Variants in DLGAP1 observed in about 807,000 individuals in gnomAD.
DLGAP1 encodes DLG associated protein 1, also known as disks large-associated protein 1.
In DLGAP1, 11 loss-of-function variants were observed where a neutral mutation model predicts 90.8. The ratio of observed to expected loss-of-function variants is 0.12; its 90% CI spans 0.08 to 0.20. The LOEUF (loss-of-function observed/expected upper bound fraction) is 0.20, where lower values mean the gene tolerates loss of function less well. Among genes scored for constraint, DLGAP1 ranks in the 10% least tolerant of loss-of-function variants. The pLI is 1.00. For synonymous variants in DLGAP1, 558 were observed against 540.7 expected (o/e 1.03, Z -0.44); for missense variants, 1,050 against 1,333.8 (o/e 0.79, Z 3.31).
At chr18:4,141,641 A>G (rs1202401597) in intron 2 of DLGAP1, among the ~76,000 whole-genome samples, 2 of 151,948 alleles carry the variant, frequency 1.3e-5, no homozygotes, top group Admixed American at 6.6e-5. Flanking sequence ...TAGGTGTTTA[A>G]ACATCACCTG....
At chr18:3,824,043 G>C (rs1237446) in intron 4 of DLGAP1, among the ~76,000 whole-genome samples, 4 of 148,510 alleles carry the variant, frequency 2.7e-5, no homozygotes, top group Non-Finnish European at 5.9e-5. Context: ...AGCTAACTTA[G>C]AGCCCCTTTT....
chr18:3,846,284 T>C (rs370319492), intron 4 of DLGAP1, among the ~76,000 whole-genome samples: 1 of 152,186 alleles, frequency 6.6e-6, no homozygotes, highest in African/African-American at 2.4e-5. Context: ...TTTCCTTTCT[T>C]CGTCACCATA....
chr18:3,575,613 G>A (rs2055075244), intron 8 of DLGAP1, among the ~76,000 whole-genome samples: 1 of 152,094 alleles, frequency 6.6e-6, no homozygotes, highest in African/African-American at 2.4e-5. Flanking sequence ...CTCATATTTT[G>A]CTCTATACAC....
At chr18:4,019,017 T>C (rs905170735) in intron 2 of DLGAP1, among the ~76,000 whole-genome samples, 2 of 152,164 alleles carry the variant, frequency 1.3e-5, no homozygotes, top group African/African-American at 2.4e-5. Context: ...AAAAACATCA[T>C]TGACTGAATT....
chr18:4,247,642 T>G (rs561648444), intron 1 of DLGAP1, among the ~76,000 whole-genome samples: 7 of 152,176 alleles, frequency 4.6e-5, no homozygotes, highest in African/African-American at 1.7e-4. Flanking sequence ...CCAGGCGTGG[T>G]GGCAGGCGCC....
At chr18:4,118,357 C>T (rs1363286758) in intron 2 of DLGAP1, among the ~76,000 whole-genome samples, 7 of 152,176 alleles carry the variant, frequency 4.6e-5, no homozygotes, top group South Asian at 2.1e-4. Flanking sequence ...CATCCTGCTC[C>T]GCCAGCAGGT....
At chr18:4,232,334 T>C (rs1269063776) in intron 1 of DLGAP1, among the ~76,000 whole-genome samples, 2 of 152,128 alleles carry the variant, frequency 1.3e-5, no homozygotes, top group Non-Finnish European at 2.9e-5. Flanking sequence ...TGGCTAAAGG[T>C]ATTCTTCTTT....
chr18:3,835,131 T>A (rs2068293498), intron 4 of DLGAP1, among the ~76,000 whole-genome samples: 1 of 152,242 alleles, frequency 6.6e-6, no homozygotes, highest in Non-Finnish European at 1.5e-5. Context: ...TACCACTTAT[T>A]TTCAATGAGA....
At chr18:3,858,649 A>C (rs1180087071) in intron 4 of DLGAP1, among the ~76,000 whole-genome samples, 1 of 152,080 alleles carries the variant, frequency 6.6e-6, no homozygotes, top group African/African-American at 2.4e-5. Context: ...TTGGTGTTTT[A>C]CTATAAAGTT....
intron 2 of DLGAP1, among the ~76,000 whole-genome samples, chr18:4,085,558 C>A (rs2075670417): frequency 6.6e-6 from 1 of 152,044 alleles, no homozygotes; most frequent in African/African-American, 2.4e-5. Context: ...CTGGACTGAC[C>A]CAGGGAAAGG....
chr18:3,580,157 G>T, intron 8 of DLGAP1: 1 of 1,292,750 alleles, frequency 7.7e-7, no homozygotes, highest in Non-Finnish European at 1.1e-6. Context: ...TGTCTACAAA[G>T]AAAATACTTT....
At chr18:4,323,640 A>G (rs1433914506) in intron 1 of DLGAP1, among the ~76,000 whole-genome samples, 1 of 142,012 alleles carries the variant, frequency 7.0e-6, no homozygotes, top group Non-Finnish European at 1.5e-5. Context: ...CAGCAAATTA[A>G]AAAAACAAAA....
intron 2 of DLGAP1, among the ~76,000 whole-genome samples, chr18:4,120,933 T>G (rs1329016846): frequency 6.6e-6 from 1 of 152,190 alleles, no homozygotes; most frequent in African/African-American, 2.4e-5. Flanking sequence ...GAGAACAAGG[T>G]AGACACAGAC....
intron 2 of DLGAP1, among the ~76,000 whole-genome samples, chr18:4,085,440 C>A (rs34016362): frequency 0.042 from 6,405 of 152,236 alleles, 452 homozygotes; most frequent in African/African-American, 0.15. Flanking sequence ...ACCTAGGAAG[C>A]CTTTATTCCC....
chr18:3,582,258 A>T lies in DLGAP1; in HGVS notation c.1592-10T>A. 6.2e-7 allele frequency: 1 copy of T among 1,602,346 alleles called. No homozygotes were observed. Among genetic ancestry groups the T allele is most frequent in the South Asian group, 1.1e-5 (1 of 90,794 alleles). On this transcript the variant is annotated splice_polypyrimidine_tract_variant and intron_variant, in intron 7 of 12. Coordinates refer to ENST00000315677, the MANE Select transcript of DLGAP1 (RefSeq NM_004746.4). ...GTAATGCAAGATGACACTGGAAGAC[A>T]GTGAAAACAAAGACAATGTGATTTC...
chr18:3,650,037 G>A (rs2059240725), intron 7 of DLGAP1, among the ~76,000 whole-genome samples: 1 of 152,006 alleles, frequency 6.6e-6, no homozygotes, highest in African/African-American at 2.4e-5. Context: ...AGACATTACT[G>A]TTTTTTGTTT....
chr18:4,242,238 CA>C, intron 1 of DLGAP1, among the ~76,000 whole-genome samples: 1 of 152,048 alleles, frequency 6.6e-6, no homozygotes, highest in Non-Finnish European at 1.5e-5. Flanking sequence ...TTTTAGGGGA[CA>C]AAGACTATTC....
intron 3 of DLGAP1, among the ~76,000 whole-genome samples, chr18:3,964,080 G>A (rs148181939): frequency 9.1e-4 from 139 of 152,274 alleles, no homozygotes; most frequent in African/African-American, 3.1e-3. Flanking sequence ...TCATTCCTAA[G>A]ATAAAATTAG....
At chr18:3,724,821 T>C (rs1435698167) in intron 7 of DLGAP1, among the ~76,000 whole-genome samples, 1 of 151,262 alleles carries the variant, frequency 6.6e-6, no homozygotes, top group East Asian at 1.9e-4. Flanking sequence ...AGGTGGAGGA[T>C]CGCAGTCCAG....
Sources: gnomAD v4.1 joint callset for allele counts (sites outside exome capture counted in the v4.1 genomes callset) on GRCh38, gnomAD v4.1.1 for gene constraint, MANE v1.5 for transcripts, NCBI Gene and HGNC (gene_info 2026-07-23, HGNC 2026-07-21) for gene names.